TBC1D5: variants seen among roughly 807,000 people sequenced by gnomAD.
TBC1D5 encodes TBC1 domain family member 5.
In TBC1D5, 75 loss-of-function variants were observed where a neutral mutation model predicts 100.3. The ratio of observed to expected loss-of-function variants is 0.75; its 90% CI spans 0.62 to 0.91. The LOEUF (loss-of-function observed/expected upper bound fraction) is 0.91, where lower values mean the gene tolerates loss of function less well. Ranked by LOEUF, TBC1D5 falls within the 40% of genes least tolerant of loss-of-function variation. TBC1D5 has a pLI of 0.00. For missense variants in TBC1D5, 910 were observed against 942.4 expected, an observed-to-expected ratio of 0.97 and a Z score of 0.45; for synonymous variants, 323 against 325.6, an observed-to-expected ratio of 0.99 and a Z score of 0.09.
At chr3:17,560,408 A>T (rs542185582) in intron 2 of TBC1D5, among the ~76,000 whole-genome samples, 1 of 152,218 alleles carries the variant, frequency 6.6e-6, no homozygotes, top group Admixed American at 6.5e-5. Context: ...ACTTGAAGCC[A>T]GGAGTTCAAG....
chr3:17,457,373 T>C (rs1428205766), intron 3 of TBC1D5, among the ~76,000 whole-genome samples: 1 of 152,196 alleles, frequency 6.6e-6, no homozygotes, highest in African/African-American at 2.4e-5. Context: ...AATGGTTCAT[T>C]ATTATTTCTC....
chr3:17,486,982 C>T (rs943982171), intron 3 of TBC1D5, among the ~76,000 whole-genome samples: 2 of 152,180 alleles, frequency 1.3e-5, no homozygotes, highest in Admixed American at 6.5e-5. Context: ...TATCCTAGTA[C>T]TCTGTCACAT....
At chr3:17,596,610 A>G (rs1319965534) in intron 2 of TBC1D5, among the ~76,000 whole-genome samples, 1 of 148,014 alleles carries the variant, frequency 6.8e-6, no homozygotes, top group African/African-American at 2.5e-5. Flanking sequence ...GAGCCACCAC[A>G]CCAGGTGGAT....
intron 3 of TBC1D5, among the ~76,000 whole-genome samples, chr3:17,494,075 G>C (rs1277159336): frequency 6.6e-6 from 1 of 152,118 alleles, no homozygotes; most frequent in Non-Finnish European, 1.5e-5. Context: ...TTCAATCTTT[G>C]AGGCTGTTGA....
chr3:17,569,073 C>A (rs1004052093), intron 2 of TBC1D5, among the ~76,000 whole-genome samples: 6 of 151,718 alleles, frequency 4.0e-5, no homozygotes, highest in African/African-American at 1.4e-4. Flanking sequence ...CAAATACCCA[C>A]AAAAAGAGAA....
At chr3:17,678,498 A>T (rs1451980831) in intron 1 of TBC1D5, among the ~76,000 whole-genome samples, 1 of 152,158 alleles carries the variant, frequency 6.6e-6, no homozygotes, top group East Asian at 1.9e-4. Context: ...ATTTTTGGAA[A>T]ACAGATGAAT....
rs186691729 is a variant in TBC1D5 at position 17,461,651 on chromosome 3, T to C, written c.98-33132A>G. 2.7e-4 allele frequency among the ~76,000 whole-genome samples: 40 copies of C among 150,402 alleles called. No individual in the cohort carries two copies. In the South Asian group the frequency reaches 3.5e-3, roughly 13 times the overall value. ...CTTTTTCTGTGTGTGTATGTGTGTG[T>C]GCATGTGTGAGTGTGTATGTGTGTT... On this transcript the variant is annotated intron_variant, in intron 3 of 21. Transcript: ENST00000253692.
intron 1 of TBC1D5, among the ~76,000 whole-genome samples, chr3:17,718,959 A>C (rs958765500): frequency 2.0e-5 from 3 of 152,202 alleles, no homozygotes. Context: ...AAAAGTACAA[A>C]TTCTTCTTAC....
intron 1 of TBC1D5, chr3:17,643,924 G>C (rs550087843): frequency 6.6e-5 from 10 of 152,212 alleles, no homozygotes; most frequent in Middle Eastern, 3.4e-3. Flanking sequence ...CACATTTGAG[G>C]CTAAGGGGTA....
chr3:17,635,846 C>T (rs1195980769), intron 1 of TBC1D5, among the ~76,000 whole-genome samples: 1 of 152,000 alleles, frequency 6.6e-6, no homozygotes, highest in Non-Finnish European at 1.5e-5. Context: ...AGTTTTACTG[C>T]CAAAATGAAC....
intron 1 of TBC1D5, among the ~76,000 whole-genome samples, chr3:17,674,262 T>C (rs535965641): frequency 6.6e-6 from 1 of 152,336 alleles, no homozygotes; most frequent in South Asian, 2.1e-4. Flanking sequence ...TTTGAAAATT[T>C]GACAGGTCAT....
chr3:17,421,013 C>A lies in TBC1D5; in HGVS notation c.167+7437G>T, dbSNP rs143076481. On this transcript the variant is annotated intron_variant, in intron 4 of 21. Coordinates refer to ENST00000253692, the Ensembl canonical transcript of TBC1D5. ...AAGGAAAATAACTCAAACTGTAACA[C>A]GTATGCTCAAGCCAGTGTGGGTTGA... 3.3e-5 allele frequency among the ~76,000 whole-genome samples: 5 copies of A among 152,286 alleles called. No homozygotes were observed. In the East Asian group the frequency reaches 9.6e-4, roughly 29 times the overall value.
At chr3:17,429,659 TGAGTA>T (rs1329335490) in intron 3 of TBC1D5, among the ~76,000 whole-genome samples, 3 of 151,950 alleles carry the variant, frequency 2.0e-5, no homozygotes, top group Non-Finnish European at 4.4e-5. Flanking sequence ...TTTTAATTAT[TGAGTA>T]TAGTATCTAA....
At chr3:17,177,374 G>A (rs1381341466) in intron 19 of TBC1D5, among the ~76,000 whole-genome samples, 1 of 152,144 alleles carries the variant, frequency 6.6e-6, no homozygotes, top group Non-Finnish European at 1.5e-5. Context: ...ATAAAACCAG[G>A]GGGAAACAAC....
At chr3:17,692,858 G>A (rs958585360) in intron 1 of TBC1D5, among the ~76,000 whole-genome samples, 6 of 152,142 alleles carry the variant, frequency 3.9e-5, no homozygotes, top group East Asian at 1.9e-4. Flanking sequence ...GGCCAGGCAC[G>A]GTAGTTCACA....
chr3:17,320,219 C>T (rs565432876), intron 13 of TBC1D5, among the ~76,000 whole-genome samples: 2 of 152,292 alleles, frequency 1.3e-5, no homozygotes, highest in South Asian at 4.1e-4. Flanking sequence ...AGTTATTTCA[C>T]ACACAAAAAG....
chr3:17,729,710 CAACA>C (rs940505218), intron 1 of TBC1D5, among the ~76,000 whole-genome samples: 16 of 151,576 alleles, frequency 1.1e-4, no homozygotes, highest in Admixed American at 5.9e-4. Context: ...GTCTCAAAAA[CAACA>C]AACAAACAAA....
chr3:17,626,366 G>C (rs1379993503), intron 1 of TBC1D5, among the ~76,000 whole-genome samples: 1 of 152,120 alleles, frequency 6.6e-6, no homozygotes. Context: ...TGGTGCTTGA[G>C]TGTAGGCAAC....
chr3:17,441,408 G>A lies in TBC1D5; in HGVS notation c.98-12889C>T, dbSNP rs562292441. 6.6e-5 allele frequency among the ~76,000 whole-genome samples: 10 copies of A among 152,304 alleles called. No individual in the cohort carries two copies. The South Asian group carries it at 1.7e-3, about 25-fold the overall frequency. On this transcript the variant is annotated intron_variant, in intron 3 of 21. Transcript: ENST00000253692. Reference sequence around the variant, plus strand: ...TGGGAGGTTGCTCTTTGAAGATGAAGGTAATATCTGATTTTGGATTCTAAC... The same window carrying A: ...TGGGAGGTTGCTCTTTGAAGATGAAAGTAATATCTGATTTTGGATTCTAAC...
Sources: gnomAD v4.1 joint callset for allele counts (sites outside exome capture counted in the v4.1 genomes callset) on GRCh38, gnomAD v4.1.1 for gene constraint, MANE v1.5 for transcripts, NCBI Gene and HGNC (gene_info 2026-07-23, HGNC 2026-07-21) for gene names.